Variants in NXPH1 observed in about 807,000 individuals in gnomAD.
NXPH1 encodes the protein neurexophilin 1.
A neutral mutation model predicts 23.7 loss-of-function variants in NXPH1; 5 were observed. That is an observed-to-expected ratio of 0.21 (90% CI 0.11 to 0.44). The LOEUF (loss-of-function observed/expected upper bound fraction) is 0.44, where lower values mean the gene tolerates loss of function less well. Ranked by LOEUF, NXPH1 falls within the 20% of genes least tolerant of loss-of-function variation. NXPH1 has a pLI of 0.99. For synonymous variants in NXPH1, 144 were observed against 122.2 expected, an observed-to-expected ratio of 1.18 and a Z score of -1.18; for missense variants, 324 against 321.6, an observed-to-expected ratio of 1.01 and a Z score of -0.06.
chr7:8,616,894 G>A (rs1243391039), intron 2 of NXPH1, among the ~76,000 whole-genome samples: 1 of 151,620 alleles, frequency 6.6e-6, no homozygotes, highest in Non-Finnish European at 1.5e-5. Flanking sequence ...ATGGATATCA[G>A]ATTTGAGGGG....
chr7:8,518,687 T>G (rs1264686922), intron 2 of NXPH1, among the ~76,000 whole-genome samples: 2 of 152,010 alleles, frequency 1.3e-5, no homozygotes, highest in Non-Finnish European at 2.9e-5. Flanking sequence ...GGTCTTCCTA[T>G]GTCTCCCCAG....
intron 2 of NXPH1, among the ~76,000 whole-genome samples, chr7:8,713,506 ATT>A (rs572508806): frequency 3.5e-5 from 5 of 144,568 alleles, no homozygotes; most frequent in African/African-American, 2.5e-5. Flanking sequence ...ATGCTTGCAG[ATT>A]TTTTTTTTTT....
At chr7:8,663,190 A>G (rs761935156) in intron 2 of NXPH1, among the ~76,000 whole-genome samples, 14 of 152,062 alleles carry the variant, frequency 9.2e-5, no homozygotes, top group Non-Finnish European at 1.6e-4. Flanking sequence ...GAGTATCTAA[A>G]TTCTTACTTG....
At chr7:8,496,797 C>T (rs1265671326) in intron 2 of NXPH1, among the ~76,000 whole-genome samples, 2 of 152,000 alleles carry the variant, frequency 1.3e-5, no homozygotes, top group Non-Finnish European at 2.9e-5. Flanking sequence ...TTTTCTTATG[C>T]TCAGATATAT....
intron 2 of NXPH1, among the ~76,000 whole-genome samples, chr7:8,570,861 GA>G (rs926112236): frequency 3.6e-4 from 54 of 151,794 alleles, no homozygotes; most frequent in Non-Finnish European, 8.8e-5. Flanking sequence ...GTAGGCAAAA[GA>G]GTCATAAGGA....
At chr7:8,598,673 T>C (rs1334880103) in intron 2 of NXPH1, among the ~76,000 whole-genome samples, 1 of 152,204 alleles carries the variant, frequency 6.6e-6, no homozygotes, top group African/African-American at 2.4e-5. Flanking sequence ...TATTTTTCTG[T>C]TTGCAGTTTA....
rs1317797681 is a variant in NXPH1, at chr7:8,751,106, A to C, written c.153A>C (p.Lys51Asn). 6.2e-7 allele frequency: 1 copy of C among 1,613,872 alleles called. No individual in the cohort carries two copies. Among genetic ancestry groups the C allele is most frequent in the Non-Finnish European group, 8.5e-7 (1 of 1,179,794 alleles). Residue 51 changes from lysine to asparagine, a missense_variant, in exon 3 of 3, where the codon AAA becomes AAC. Lys to Asn is a moderately conservative substitution (Grantham distance 94). Transcript: ENST00000405863. The surrounding 1 kb of genome is among the most constrained non-coding windows in gnomAD (Gnocchi z 4.5). The part of the protein sequence containing the change: ...TLKHIWTESS[K>N]DLSISRLLSQ... ...AGCACATATGGACAGAAAGCAGCAA[A>C]GACTTGTCTATCAGCCGACTCCTGT...
intron 2 of NXPH1, among the ~76,000 whole-genome samples, chr7:8,717,748 G>A (rs984026892): frequency 2.6e-5 from 4 of 152,080 alleles, no homozygotes; most frequent in Non-Finnish European, 5.9e-5. Context: ...TGTGAATATA[G>A]TTTAATAATG....
chr7:8,669,792 T>TGG (rs1261617551), intron 2 of NXPH1, among the ~76,000 whole-genome samples: 1 of 152,230 alleles, frequency 6.6e-6, no homozygotes, highest in East Asian at 1.9e-4. Context: ...ATGTGGGTAA[T>TGG]GTACAACTGT....
At position 8,575,499 on chromosome 7, in the gene NXPH1, A is replaced by G. The variant is rs1426972777; in HGVS notation, c.54+139732A>G. On this transcript the variant is annotated intron_variant, in intron 2 of 2. Transcript: ENST00000405863. ...GAAAGCATAGAAATTCTTTTAAAAG[A>G]GTTGAAGTATATGAAATTACTTCTA... is the stretch of plus-strand genomic sequence containing the variant. Among the ~76,000 whole-genome samples, 3 of 152,198 alleles carry G rather than the reference A, an allele frequency of 2.0e-5. No individual in the cohort carries two copies. The East Asian group carries it at 5.8e-4, about 29-fold the overall frequency.
At chr7:8,520,610 G>A (rs778924372) in intron 2 of NXPH1, among the ~76,000 whole-genome samples, 48 of 152,158 alleles carry the variant, frequency 3.2e-4, no homozygotes, top group South Asian at 6.2e-4. Flanking sequence ...ACAGCTCTAA[G>A]CCTGCAACCT....
At chr7:8,739,719 G>T (rs1227390975) in intron 2 of NXPH1, among the ~76,000 whole-genome samples, 2 of 151,582 alleles carry the variant, frequency 1.3e-5, no homozygotes, top group Non-Finnish European at 2.9e-5. Flanking sequence ...TAACACTTAG[G>T]TTAAAACACA....
intron 2 of NXPH1, among the ~76,000 whole-genome samples, chr7:8,440,085 C>A (rs146851331): frequency 9.1e-4 from 139 of 152,314 alleles, no homozygotes; most frequent in African/African-American, 3.2e-3. Context: ...TACAGACCAG[C>A]CTTTTAGATA....
intron 2 of NXPH1, among the ~76,000 whole-genome samples, chr7:8,680,847 C>G (rs1821038780): frequency 6.6e-6 from 1 of 152,164 alleles, no homozygotes; most frequent in South Asian, 2.1e-4. Context: ...TAAAACAGCT[C>G]CTGCATAAGC....
intron 2 of NXPH1, among the ~76,000 whole-genome samples, chr7:8,734,764 A>G (rs1780220136): frequency 6.6e-6 from 1 of 152,096 alleles, no homozygotes; most frequent in Non-Finnish European, 1.5e-5. Context: ...TTTCTGTCTC[A>G]TTGATCTGTC....
At chr7:8,620,427 T>G (rs751007434) in intron 2 of NXPH1, among the ~76,000 whole-genome samples, 1 of 152,154 alleles carries the variant, frequency 6.6e-6, no homozygotes, top group Non-Finnish European at 1.5e-5. Context: ...CTGCCTCTTC[T>G]TGTCATGGTG....
intron 2 of NXPH1, among the ~76,000 whole-genome samples, chr7:8,454,464 A>G (rs1178840306): frequency 6.6e-6 from 1 of 152,102 alleles, no homozygotes; most frequent in Admixed American, 6.5e-5. Context: ...CTTCTACAGG[A>G]TGTTTCAGTT....
chr7:8,491,016 C>T (rs560415241), intron 2 of NXPH1, among the ~76,000 whole-genome samples: 1 of 151,992 alleles, frequency 6.6e-6, no homozygotes, highest in Non-Finnish European at 1.5e-5. Flanking sequence ...GTAGTGACAC[C>T]TGCGACACCT....
chr7:8,484,507 C>T (rs1010656822), intron 2 of NXPH1, among the ~76,000 whole-genome samples: 1 of 152,058 alleles, frequency 6.6e-6, no homozygotes, highest in Admixed American at 6.6e-5. Flanking sequence ...TTTAATAACA[C>T]ATTTTAAATA....
Sources: gnomAD v4.1 joint callset for allele counts (sites outside exome capture counted in the v4.1 genomes callset) on GRCh38, gnomAD v4.1.1 for gene constraint, Gnocchi (gnomAD v3.1) non-coding constraint, MANE v1.5 for transcripts, NCBI Gene and HGNC (gene_info 2026-07-23, HGNC 2026-07-21) for gene names.